The following MAP3K4 variants were observed in gnomAD, a reference collection of about 807,000 sequenced individuals.
The protein encoded by MAP3K4 is MAP three kinase 1.
In MAP3K4, 67 loss-of-function variants were observed where a neutral mutation model predicts 185.6. The observed-to-expected ratio is 0.36, with a 90% CI of 0.30 to 0.44. The LOEUF (loss-of-function observed/expected upper bound fraction) is 0.44, where lower values mean the gene tolerates loss of function less well. Among genes scored for constraint, MAP3K4 ranks in the 20% least tolerant of loss-of-function variants. The pLI, the probability that MAP3K4 is intolerant of heterozygous loss-of-function variation, is 1.00. For synonymous variants in MAP3K4, 702 were observed against 710.4 expected, an observed-to-expected ratio of 0.99 and a Z score of 0.19; for missense variants, 1,551 against 1,995.1, an observed-to-expected ratio of 0.78 and a Z score of 4.24.
chr6:161,109,945 C>T lies in MAP3K4; in HGVS notation c.4396+31C>T, dbSNP rs1426076298. 2 of 1,610,630 alleles carry T rather than the reference C, an allele frequency of 1.2e-6. No individual in the cohort carries two copies. Among genetic ancestry groups the T allele is most frequent in the East Asian group, 4.5e-5 (2 of 44,842 alleles). On this transcript the variant is annotated intron_variant, in intron 23 of 26. Coordinates refer to ENST00000392142, the MANE Select transcript of MAP3K4 (RefSeq NM_005922.4). This position sits in a 1 kb window ranked among gnomAD's most constrained non-coding sequence, Gnocchi z 5.7. ...CCCACACCCGCCTGGCTGCTGTGGG[C>T]CAGAGCCACTGGTACCCAGCCCGTG...
Position 161,101,675 on chromosome 6 carries a change from G to A in MAP3K4, c.3675-217G>A, listed in dbSNP as rs757559220. ...TCCACAGCAGCGCTGTTCACTTAGG[G>A]GGCTGATTCTGGTGGGTCTGTCCTG... On this transcript the variant is annotated intron_variant, in intron 17 of 26. Transcript: ENST00000392142. This position sits in a 1 kb window ranked among gnomAD's most constrained non-coding sequence, Gnocchi z 5.1. 1.7e-5 allele frequency: 8 copies of A among 484,414 alleles called. No individual in the cohort carries two copies. Among genetic ancestry groups the A allele is most frequent in the Non-Finnish European group, 3.0e-5 (8 of 269,042 alleles). The allele number at this position is 484,414 out of a possible 1,614,324, so 30.0% of individuals were successfully genotyped here. A position where few individuals can be genotyped will look rare whatever the true frequency, so the allele number is the denominator to read the frequency against.
rs958050662 is a variant in MAP3K4 at position 160,996,124 on chromosome 6, G to A, written c.152+4041G>A. Among the ~76,000 whole-genome samples, 6 of 126,122 alleles carry A rather than the reference G, an allele frequency of 4.8e-5. No individual in the cohort carries two copies. Among genetic ancestry groups the A allele is most frequent in the Non-Finnish European group, 8.3e-5 (5 of 60,590 alleles). 82.7% of individuals were successfully genotyped at this position (126,122 alleles called of 152,430 possible). ...GTGTGTTTCAGTCTTGACCTTGTAT[G>A]TCAACTGTTCTCCCTGGCAAAGTCA... On this transcript the variant is annotated intron_variant, in intron 1 of 26. Coordinates refer to ENST00000392142, the MANE Select transcript of MAP3K4 (RefSeq NM_005922.4). This position sits in a 1 kb window ranked among gnomAD's most constrained non-coding sequence, Gnocchi z 4.5.
In MAP3K4 at chr6:161,100,332, G is replaced by A. The variant is rs567594000; in HGVS notation, c.3675-1560G>A. On this transcript the variant is annotated intron_variant, in intron 17 of 26. Transcript: ENST00000392142. This position sits in a 1 kb window ranked among gnomAD's most constrained non-coding sequence, Gnocchi z 5.8. Reference sequence around the variant, plus strand: ...GTGTGTGCATCCCTGCCACAGCCATGGGGTGTAGCCCTTGCCCGTCTTACA... The same window carrying A: ...GTGTGTGCATCCCTGCCACAGCCATAGGGTGTAGCCCTTGCCCGTCTTACA... Among the ~76,000 whole-genome samples, 1 of 152,316 alleles carries A rather than the reference G, an allele frequency of 6.6e-6. No homozygotes were observed. The highest frequency in any genetic ancestry group is 1.5e-5 in the Non-Finnish European group (1 of 68,020).
intron 6 of MAP3K4, among the ~76,000 whole-genome samples, chr6:161,083,867 C>T (rs922051803): frequency 7.2e-5 from 11 of 152,174 alleles, no homozygotes; most frequent in African/African-American, 2.7e-4. Flanking sequence ...CTCCGACAAG[C>T]CTAGCACTTA....
chr6:161,049,975 T>G lies in MAP3K4; in HGVS notation c.1703T>G (p.Val568Gly). The part of the protein sequence containing the change: ...RIALVKNDRP[V>G]EFSEFPDPMW... Reference sequence around the variant, plus strand: ...GCATTGGTAAAGAACGATCGTCCAGTGGAGGTAGGTTTCCAGTAGGTATTA... The same window carrying G: ...GCATTGGTAAAGAACGATCGTCCAGGGGAGGTAGGTTTCCAGTAGGTATTA... The change falls in exon 3 of 27, where the codon GTG becomes GGG. Residue 568 changes from valine to glycine, a missense_variant. By Grantham distance (109) the Val-to-Gly change is moderately radical. This residue lies in a region of MAP3K4 where 86 missense variants were observed against 81.6 expected (regional missense o/e 1.05). Coordinates refer to ENST00000392142, the MANE Select transcript of MAP3K4 (RefSeq NM_005922.4). The surrounding 1 kb of genome is among the most constrained non-coding windows in gnomAD (Gnocchi z 8.4). 1 of 1,598,862 alleles carries G rather than the reference T, an allele frequency of 6.3e-7. No individual in the cohort carries two copies. Among genetic ancestry groups the G allele is most frequent in the Non-Finnish European group, 8.5e-7 (1 of 1,173,538 alleles).
rs1272654015 is a variant in MAP3K4, at chr6:161,008,448, T to C, written c.152+16365T>C. Among the ~76,000 whole-genome samples, 1 of 152,172 alleles carries C rather than the reference T, an allele frequency of 6.6e-6. No homozygotes were observed. Among genetic ancestry groups the C allele is most frequent in the African/African-American group, 2.4e-5 (1 of 41,450 alleles). On this transcript the variant is annotated intron_variant, in intron 1 of 26. Coordinates refer to ENST00000392142, the MANE Select transcript of MAP3K4 (RefSeq NM_005922.4). The surrounding 1 kb of genome is among the most constrained non-coding windows in gnomAD (Gnocchi z 4.1). ...TAATCCATTTTATTCTTTACAGAAT[T>C]TTACATACCGAGTTTTACGTATAAT...
intron 1 of MAP3K4, among the ~76,000 whole-genome samples, chr6:161,009,694 AT>A (rs1253311991): frequency 4.6e-5 from 7 of 152,202 alleles, no homozygotes; most frequent in African/African-American, 1.7e-4. Flanking sequence ...TTAAAAAAAA[AT>A]CTTTGAAAGG....
chr6:161,020,037 G>A (rs1782304639), intron 1 of MAP3K4, among the ~76,000 whole-genome samples: 1 of 152,120 alleles, frequency 6.6e-6, no homozygotes, highest in Admixed American at 6.5e-5. Flanking sequence ...GGTGGGTAGA[G>A]GTGTCTCTGT....
In MAP3K4 at chr6:161,064,765, T is replaced by C. The variant is rs1784629504; in HGVS notation, c.1708-5843T>C. On this transcript the variant is annotated intron_variant, in intron 3 of 26. Transcript: ENST00000392142. The surrounding 1 kb of genome is among the most constrained non-coding windows in gnomAD (Gnocchi z 4.3). ...TCTAAGATGGAGAGCACCCTTTCAATGATTAGAAGAGACACAAGATGGAAA... is the reference window on the plus strand; with the variant it reads ...TCTAAGATGGAGAGCACCCTTTCAACGATTAGAAGAGACACAAGATGGAAA... Among the ~76,000 whole-genome samples the C allele has an allele frequency of 6.6e-6, 1 of 152,144 alleles. No homozygotes were observed. Among genetic ancestry groups the C allele is most frequent in the African/African-American group, 2.4e-5 (1 of 41,430 alleles).
chr6:161,017,383 T>C lies in MAP3K4; in HGVS notation c.153-16876T>C, dbSNP rs868630782. Among the ~76,000 whole-genome samples, 1 of 152,302 alleles carries C rather than the reference T, an allele frequency of 6.6e-6. No homozygotes were observed. The highest frequency in any genetic ancestry group is 1.9e-4 in the East Asian group (1 of 5,180). On this transcript the variant is annotated intron_variant, in intron 1 of 26. Transcript: ENST00000392142. The surrounding 1 kb of genome is among the most constrained non-coding windows in gnomAD (Gnocchi z 5.1). Reference sequence around the variant, plus strand: ...ATGAGGGTGATAGAACTACTAACTGTTTTTCTGACAAGCACGTAAGGAACT... The same window carrying C: ...ATGAGGGTGATAGAACTACTAACTGCTTTTCTGACAAGCACGTAAGGAACT...
At chr6:160,992,667 A>G (rs1343405184) in intron 1 of MAP3K4, among the ~76,000 whole-genome samples, 1 of 152,166 alleles carries the variant, frequency 6.6e-6, no homozygotes, top group Non-Finnish European at 1.5e-5. Context: ...TAGTGCTAGT[A>G]TTGTGCAGAT....
In MAP3K4 at chr6:161,086,264, C is replaced by A. The variant is rs982681832; in HGVS notation, c.2373-115C>A. 13 of 566,100 alleles carry A rather than the reference C, an allele frequency of 2.3e-5. No homozygotes were observed. Among genetic ancestry groups the A allele is most frequent in the Non-Finnish European group, 4.0e-5 (13 of 322,206 alleles). 35.1% of individuals were successfully genotyped at this position (566,100 alleles called of 1,614,324 possible). A position where few individuals can be genotyped will look rare whatever the true frequency, so the allele number is the denominator to read the frequency against. ...AGTTTGTTCCCATTTAAAAAATCCT[C>A]AGTCTTTATTTATTACTGTGATTTG... is the stretch of plus-strand genomic sequence containing the variant. On this transcript the variant is annotated intron_variant, in intron 7 of 26. Transcript: ENST00000392142. This position sits in a 1 kb window ranked among gnomAD's most constrained non-coding sequence, Gnocchi z 4.8.
rs1785879356 is a variant in MAP3K4, at chr6:161,088,991, C to G, written c.2824-331C>G. Among the ~76,000 whole-genome samples, 1 of 151,936 alleles carries G rather than the reference C, an allele frequency of 6.6e-6. No individual in the cohort carries two copies. Among genetic ancestry groups the G allele is most frequent in the South Asian group, 2.1e-4 (1 of 4,826 alleles). ...ACATTTTCCTTCTTCATATGCTGCT[C>G]CAATACACACACACATGCACACATA... On this transcript the variant is annotated intron_variant, in intron 10 of 26. Coordinates refer to ENST00000392142, the MANE Select transcript of MAP3K4 (RefSeq NM_005922.4). The surrounding 1 kb of genome is among the most constrained non-coding windows in gnomAD (Gnocchi z 4.5).
chr6:161,085,683 T>C (rs1022962257), intron 7 of MAP3K4, among the ~76,000 whole-genome samples: 5 of 152,264 alleles, frequency 3.3e-5, no homozygotes, highest in Admixed American at 6.5e-5. Flanking sequence ...AGCTGAGAAA[T>C]GGAATAAATA....
chr6:161,072,815 T>G (rs1029348890), intron 4 of MAP3K4, among the ~76,000 whole-genome samples: 1 of 152,200 alleles, frequency 6.6e-6, no homozygotes, highest in Non-Finnish European at 1.5e-5. Context: ...GCTTTCCAGA[T>G]TGTCTCATTT....
intron 2 of MAP3K4, among the ~76,000 whole-genome samples, chr6:161,039,205 G>A (rs531834906): frequency 7.1e-6 from 1 of 141,400 alleles, no homozygotes; most frequent in Non-Finnish European, 1.5e-5. Context: ...TGCATTCATT[G>A]TAAAGCTTTG....
chr6:161,005,550 C>A (rs1207251997), intron 1 of MAP3K4, among the ~76,000 whole-genome samples: 1 of 151,972 alleles, frequency 6.6e-6, no homozygotes, highest in Non-Finnish European at 1.5e-5. Flanking sequence ...TTTAAATTAC[C>A]TAGAGACCTT....
At chr6:161,044,402 C>G (rs992227604) in intron 2 of MAP3K4, among the ~76,000 whole-genome samples, 3 of 152,142 alleles carry the variant, frequency 2.0e-5, no homozygotes, top group Non-Finnish European at 2.9e-5. Context: ...AAAAAACAAG[C>G]ACACCTGTCC....
In MAP3K4 at chr6:161,086,595, A is replaced by C. The variant is rs773314714; in HGVS notation, c.2484A>C (p.Ile828=). 1.2e-6 allele frequency: 2 copies of C among 1,613,982 alleles called. No individual in the cohort carries two copies. Among genetic ancestry groups the C allele is most frequent in the South Asian group, 2.2e-5 (2 of 91,032 alleles). Residue 828 remains isoleucine (I), a synonymous_variant, in exon 9 of 27, where the codon ATA becomes ATC. Coordinates refer to ENST00000392142, the MANE Select transcript of MAP3K4 (RefSeq NM_005922.4). The surrounding 1 kb of genome is among the most constrained non-coding windows in gnomAD (Gnocchi z 4.8). ...AACTGTGATCCTAGGACCTGGAAAT[A>C]GCAGCAGAATTCAGGCTTTCAGCCC... ...FAKMLRKDLE[I]AAEFRLSAPV...
Sources: gnomAD v4.1 joint callset for allele counts (sites outside exome capture counted in the v4.1 genomes callset) on GRCh38, gnomAD v4.1.1 for gene constraint, gnomAD v4.1.1 regional missense constraint, Gnocchi (gnomAD v3.1) non-coding constraint, MANE v1.5 for transcripts, NCBI Gene and HGNC (gene_info 2026-07-23, HGNC 2026-07-21) for gene names.